ABL1: variants seen among roughly 807,000 people sequenced by gnomAD.
The protein encoded by ABL1 is ABL proto-oncogene 1, non-receptor tyrosine kinase.
A neutral mutation model predicts 94.7 loss-of-function variants in ABL1; 11 were observed. The ratio of observed to expected loss-of-function variants is 0.12; its 90% CI spans 0.07 to 0.19. The LOEUF is 0.19. ABL1 is among the 10% of genes least tolerant of loss of function. The pLI is 1.00. For missense variants in ABL1, 1,082 were observed against 1,489.4 expected, an observed-to-expected ratio of 0.73 and a Z score of 4.50; for synonymous variants, 656 against 622.4, an observed-to-expected ratio of 1.05 and a Z score of -0.80.
At chr9:130,819,853 CTTT>C (rs777754388) in intron 1 of ABL1, among the ~76,000 whole-genome samples, 6 of 142,940 alleles carry the variant, frequency 4.2e-5, no homozygotes, top group Admixed American at 2.1e-4. Context: ...AAAATACCTA[CTTT>C]TTTTTTTTTT....
At chr9:130,787,622 G>A (rs185320404) in intron 1 of ABL1, among the ~76,000 whole-genome samples, 7 of 152,218 alleles carry the variant, frequency 4.6e-5, no homozygotes, top group Admixed American at 2.0e-4. Context: ...ACCCGAGTCC[G>A]GTATTGAGGG....
chr9:130,723,779 C>T (rs1027377164), intron 1 of ABL1, among the ~76,000 whole-genome samples: 9 of 151,892 alleles, frequency 5.9e-5, no homozygotes, highest in Non-Finnish European at 1.2e-4. Context: ...AGTGTTGAAA[C>T]GTAGGTAGGT....
chr9:130,760,423 C>G (rs1301325503), intron 1 of ABL1, among the ~76,000 whole-genome samples: 1 of 152,126 alleles, frequency 6.6e-6, no homozygotes, highest in Non-Finnish European at 1.5e-5. Flanking sequence ...GGATTTCTTT[C>G]AGTTATCTTA....
At chr9:130,864,561 T>C (rs769385352) in intron 4 of ABL1, among the ~76,000 whole-genome samples, 1 of 152,194 alleles carries the variant, frequency 6.6e-6, no homozygotes, top group Non-Finnish European at 1.5e-5. Context: ...TTTTTCTTAA[T>C]TGAATAAATA....
Position 130,884,619 on chromosome 9 carries a change from C to T in ABL1, c.2329C>T (p.Arg777Ter). The T allele has an allele frequency of 1.2e-6, 2 of 1,613,330 alleles. No homozygotes were observed. Among genetic ancestry groups the T allele is most frequent in the Non-Finnish European group, 8.5e-7 (1 of 1,180,006 alleles). ...GGAGAACAGGTCTGACCAGGTGACC[C>T]GAGGCACAGTAACGCCTCCCCCCAG... ...AGENRSDQVT[R>*]GTVTPPPRLV... is the part of the protein sequence containing the mutation. Residue 777 changes from arginine (R) to a stop codon, truncating the protein, a stop_gained, in exon 11 of 11, where the codon CGA (arginine) becomes TGA (stop). Coordinates refer to ENST00000318560, the MANE Select transcript of ABL1 (RefSeq NM_005157.6). LOFTEE classifies it high-confidence loss of function. The surrounding 1 kb of genome is among the most constrained non-coding windows in gnomAD (Gnocchi z 5.6).
chr9:130,780,149 C>T (rs1403650833), intron 1 of ABL1, among the ~76,000 whole-genome samples: 1 of 152,100 alleles, frequency 6.6e-6, no homozygotes, highest in East Asian at 1.9e-4. Flanking sequence ...ACTCCGGGCG[C>T]AGTGGCAGGC....
intron 4 of ABL1, among the ~76,000 whole-genome samples, chr9:130,865,746 CAAAAAAA>C (rs36055589): frequency 1.6e-5 from 1 of 61,688 alleles, no homozygotes; most frequent in Non-Finnish European, 3.4e-5. Context: ...ACCCTGTCTC[CAAAAAAA>C]AAAAAAAAAA....
At chr9:130,855,580 A>G (rs981095407) in intron 3 of ABL1, among the ~76,000 whole-genome samples, 2 of 152,150 alleles carry the variant, frequency 1.3e-5, no homozygotes, top group African/African-American at 4.8e-5. Context: ...ACATACGTGC[A>G]TACACGCATG....
At chr9:130,729,286 C>T (rs1329160175) in intron 1 of ABL1, among the ~76,000 whole-genome samples, 1 of 152,230 alleles carries the variant, frequency 6.6e-6, no homozygotes, top group African/African-American at 2.4e-5. Context: ...CTCACAGCCA[C>T]CGCTGTCTGC....
rs35211032 is a variant in ABL1, at chr9:130,732,777, GTT to G, written c.136+18334_136+18335del. On this transcript the variant is annotated intron_variant, in intron 1 of 10. Coordinates refer to the ABL1 transcript ENST00000372348. ...GGGAAGCTAACATTATAGGCACAGTGTTTTTTTTTTTTTCACTGTGTCCGTCT... is the reference window on the plus strand; with the variant it reads ...GGGAAGCTAACATTATAGGCACAGTGTTTTTTTTTTTCACTGTGTCCGTCT... Among the ~76,000 whole-genome samples the G allele has an allele frequency of 6.3e-4, 93 of 146,614 alleles. 1 individual carries two copies. The highest frequency in any genetic ancestry group is 3.5e-3 in the Middle Eastern group (1 of 286).
intron 1 of ABL1, among the ~76,000 whole-genome samples, chr9:130,747,986 A>G (rs958775042): frequency 6.6e-6 from 1 of 152,226 alleles, no homozygotes; most frequent in African/African-American, 2.4e-5. Flanking sequence ...ACTGTTTTAC[A>G]GAGTGGCAGT....
chr9:130,864,442 G>A (rs1465014525), intron 4 of ABL1, among the ~76,000 whole-genome samples: 1 of 151,892 alleles, frequency 6.6e-6, no homozygotes, highest in Admixed American at 6.6e-5. Context: ...ATGGGGTTTC[G>A]CTGTGTTGGC....
chr9:130,878,697 T>A, intron 8 of ABL1, 130 bp downstream of exon 8: 1 of 1,133,082 alleles, frequency 8.8e-7, no homozygotes, highest in Non-Finnish European at 1.3e-6. Flanking sequence ...CAGATGCAGC[T>A]AATGTAGCCA....
intron 1 of ABL1, among the ~76,000 whole-genome samples, chr9:130,804,211 T>C (rs1034654664): frequency 2.0e-5 from 3 of 151,366 alleles, no homozygotes; most frequent in Non-Finnish European, 4.4e-5. Flanking sequence ...ACAAAAAAAT[T>C]AGCAGGGCGT....
At position 130,814,615 on chromosome 9, in the gene ABL1, C is replaced by G. The variant is rs58385952; in HGVS notation, c.137-39449C>G. Among the ~76,000 whole-genome samples the G allele has an allele frequency of 6.6e-6, 1 of 152,168 alleles. No homozygotes were observed. The highest frequency in any genetic ancestry group is 2.1e-4 in the South Asian group (1 of 4,828). The stretch of plus-strand genomic sequence containing the variant: ...ACCATCTGCCGGGCGCAGTGGCTTA[C>G]GCCTGTAATCCCAGCACTTTGGTAG... On this transcript the variant is annotated intron_variant, in intron 1 of 10. Transcript: ENST00000372348. The surrounding 1 kb of genome is among the most constrained non-coding windows in gnomAD (Gnocchi z 4.4).
At chr9:130,846,726 G>A (rs1347049834) in intron 1 of ABL1, among the ~76,000 whole-genome samples, 1 of 152,248 alleles carries the variant, frequency 6.6e-6, no homozygotes, top group Non-Finnish European at 1.5e-5. Flanking sequence ...AGCCGGTACT[G>A]GGGTTCATGG....
Position 130,739,362 on chromosome 9 carries a change from A to AT in ABL1, c.136+24919dup, listed in dbSNP as rs140520319. On this transcript the variant is annotated intron_variant, in intron 1 of 10. Transcript: ENST00000372348. Reference sequence around the variant, plus strand: ...CAATCTAAATGCATAGTCCTTCCTGATTTTTTTTTTTTGAAGGCTTTTTAA... The same window carrying AT: ...CAATCTAAATGCATAGTCCTTCCTGATTTTTTTTTTTTTGAAGGCTTTTTAA... Among the ~76,000 whole-genome samples the AT allele has an allele frequency of 7.2e-4, 105 of 146,150 alleles. 2 individuals carry two copies. Among genetic ancestry groups the AT allele is most frequent in the Admixed American group, 2.1e-3 (31 of 14,582 alleles).
At chr9:130,716,833 C>G (rs1831447639) in intron 1 of ABL1, among the ~76,000 whole-genome samples, 1 of 151,730 alleles carries the variant, frequency 6.6e-6, no homozygotes, top group Admixed American at 6.6e-5. Context: ...TCACTGCAAC[C>G]TCTGCCTCCC....
intron 1 of ABL1, among the ~76,000 whole-genome samples, chr9:130,761,569 C>T (rs545258964): frequency 2.6e-5 from 4 of 152,332 alleles, no homozygotes; most frequent in East Asian, 3.9e-4. Flanking sequence ...TATTAGGCAT[C>T]GAAAGCTGTT....
Sources: allele counts gnomAD v4.1 joint callset (sites outside exome capture counted in the v4.1 genomes callset), GRCh38; gene constraint gnomAD v4.1.1; non-coding constraint Gnocchi (gnomAD v3.1); transcripts MANE v1.5; gene names NCBI Gene and HGNC (gene_info 2026-07-23, HGNC 2026-07-21).